CD96: variants seen among roughly 807,000 people sequenced by gnomAD.
CD96 encodes the protein T-cell surface protein tactile.
Under a neutral mutation model 71.3 loss-of-function variants are expected in CD96, and 70 were observed. The ratio of observed to expected loss-of-function variants is 0.98; its 90% CI spans 0.81 to 1.20. The LOEUF (loss-of-function observed/expected upper bound fraction) is 1.20, where lower values mean the gene tolerates loss of function less well. Among genes scored for constraint, CD96 ranks in the 50% most tolerant of loss-of-function variants. The pLI is 0.00. For missense variants in CD96, 742 were observed against 677.5 expected, an observed-to-expected ratio of 1.10 and a Z score of -1.06; for synonymous variants, 248 against 233.0, an observed-to-expected ratio of 1.06 and a Z score of -0.59.
chr3:111,545,279 T>C lies in CD96; in HGVS notation c.295T>C (p.Ser99Pro), dbSNP rs368316706. 1.4e-5 allele frequency: 22 copies of C among 1,613,970 alleles called. No individual in the cohort carries two copies. Among genetic ancestry groups the C allele is most frequent in the Non-Finnish European group, 1.8e-5 (21 of 1,179,872 alleles). The part of the protein sequence containing the change: ...VTFTETPENG[S>P]KWTLHLRNMS... ...TTTCACAGAAACTCCTGAGAATGGG[T>C]CAAAATGGACTCTGCACTTAAGGAA... Residue 99 changes from serine (S) to proline (P), a missense_variant, in exon 2 of 14, where the codon TCA becomes CCA. Ser to Pro is a moderately conservative substitution (Grantham distance 74, BLOSUM62 -1). Coordinates refer to ENST00000352690, the MANE Select transcript of CD96 (RefSeq NM_005816.5).
At chr3:111,637,658 A>G (rs1939394374) in intron 11 of CD96, among the ~76,000 whole-genome samples, 1 of 152,182 alleles carries the variant, frequency 6.6e-6, no homozygotes, top group Admixed American at 6.5e-5. Flanking sequence ...TGATCAGCTG[A>G]ACCTCTCATA....
chr3:111,561,330 C>G (rs998992446), intron 2 of CD96, among the ~76,000 whole-genome samples: 19 of 149,356 alleles, frequency 1.3e-4, no homozygotes, highest in African/African-American at 4.6e-4. Context: ...TTTTCCCCAT[C>G]TTTGTGGTTT....
At position 111,644,894 on chromosome 3, in the gene CD96, C is replaced by T. The variant is rs552400543; in HGVS notation, c.1478-2649C>T. ...TGGCATGGATGTGGTGAACAGAGAA[C>T]GCTTCTACCCTGCTAGTGGGAATGT... is the stretch of plus-strand genomic sequence containing the variant. On this transcript the variant is annotated intron_variant, in intron 12 of 13. Transcript: ENST00000352690. 9.2e-5 allele frequency among the ~76,000 whole-genome samples: 14 copies of T among 152,164 alleles called. No homozygotes were observed. In the South Asian group the frequency reaches 1.0e-3, roughly 11 times the overall value.
intron 7 of CD96, among the ~76,000 whole-genome samples, chr3:111,602,608 G>T (rs1937521766): frequency 6.6e-6 from 1 of 152,188 alleles, no homozygotes; most frequent in South Asian, 2.1e-4. Context: ...CTATAAAGCA[G>T]TGTCATCACT....
intron 10 of CD96, 125 bp downstream of exon 10, chr3:111,624,529 A>C (rs973833496): frequency 7.0e-6 from 5 of 715,142 alleles, no homozygotes; most frequent in Non-Finnish European, 2.5e-6. Flanking sequence ...AGCATCTATC[A>C]TGTTTAAAGT....
At chr3:111,616,202 T>C (rs1263935442) in intron 8 of CD96, among the ~76,000 whole-genome samples, 1 of 152,250 alleles carries the variant, frequency 6.6e-6, no homozygotes, top group Non-Finnish European at 1.5e-5. Flanking sequence ...TTTTATCTTA[T>C]TTGTCTACTG....
intron 10 of CD96, among the ~76,000 whole-genome samples, chr3:111,627,725 C>A (rs544602422): frequency 6.6e-6 from 1 of 152,258 alleles, no homozygotes; most frequent in South Asian, 2.1e-4. Context: ...ACTGGAATCT[C>A]CAACCACCTC....
At chr3:111,629,435 G>C (rs1938948246) in intron 10 of CD96, among the ~76,000 whole-genome samples, 2 of 152,104 alleles carry the variant, frequency 1.3e-5, no homozygotes, top group South Asian at 4.1e-4. Context: ...ATTACATAAT[G>C]GTAAATGGTT....
At chr3:111,594,126 C>A in intron 5 of CD96, 1 of 1,614,008 alleles carries the variant, frequency 6.2e-7, no homozygotes. Context: ...CTAATCTCTT[C>A]CTCCTCCTTC....
At chr3:111,549,102 A>T (rs909385369) in intron 2 of CD96, among the ~76,000 whole-genome samples, 9 of 152,086 alleles carry the variant, frequency 5.9e-5, no homozygotes, top group Admixed American at 3.9e-4. Context: ...GACTTTCTTT[A>T]CTTTGTCCTT....
chr3:111,607,198 A>T (rs1167221517), intron 8 of CD96: 1 of 229,240 alleles, frequency 4.4e-6, no homozygotes, highest in Non-Finnish European at 8.7e-6. Flanking sequence ...TTCTGTATTT[A>T]TTATTAAATA....
chr3:111,545,861 A>G (rs1225892507), intron 2 of CD96, among the ~76,000 whole-genome samples: 10 of 152,204 alleles, frequency 6.6e-5, no homozygotes, highest in Admixed American at 6.5e-4. Context: ...AAGGCAGGTA[A>G]GGACCAGATC....
intron 7 of CD96, among the ~76,000 whole-genome samples, chr3:111,602,700 C>G (rs1937524179): frequency 6.6e-6 from 1 of 152,100 alleles, no homozygotes; most frequent in Non-Finnish European, 1.5e-5. Context: ...CTGCCGGATG[C>G]TTTATGAACT....
chr3:111,583,506 A>G (rs1042438402), intron 4 of CD96, among the ~76,000 whole-genome samples: 1 of 152,220 alleles, frequency 6.6e-6, no homozygotes, highest in Non-Finnish European at 1.5e-5. Context: ...TCCCTTCTGC[A>G]CTGCCCAAGC....
intron 8 of CD96, 106 bp from the exon 9 acceptor site, chr3:111,623,648 A>G (rs896821443): frequency 4.0e-6 from 3 of 751,334 alleles, no homozygotes; most frequent in African/African-American, 1.7e-5. Context: ...GTTCACTAAG[A>G]TTCTTTCCAA....
At chr3:111,594,648 T>G (rs552827671) in intron 5 of CD96, 3 of 169,742 alleles carry the variant, frequency 1.8e-5, no homozygotes, top group Non-Finnish European at 4.3e-5. Context: ...TTTCTGTGCT[T>G]CTTATTTCCT....
intron 2 of CD96, among the ~76,000 whole-genome samples, chr3:111,547,568 A>C (rs1934475470): frequency 6.6e-6 from 1 of 152,236 alleles, no homozygotes; most frequent in Admixed American, 6.5e-5. Flanking sequence ...GCAATGGAGA[A>C]CAGATAGTAT....
rs1939897491 is a variant in CD96 at position 111,647,668 on chromosome 3, TG to T, written c.1601+3del. ...ATGGTGTCAGTACCAAAAAGAAATGTGAGTATAATACTAACATATGTAGGAA... is the reference window on the plus strand; with the variant it reads ...ATGGTGTCAGTACCAAAAAGAAATGTAGTATAATACTAACATATGTAGGAA... On this transcript the variant is annotated splice_donor_region_variant and intron_variant, in intron 13 of 13. Transcript: ENST00000352690. 2 of 1,599,136 alleles carry T rather than the reference TG, an allele frequency of 1.3e-6. No individual in the cohort carries two copies. The highest frequency in any genetic ancestry group is 1.3e-5 in the African/African-American group (1 of 74,742).
At position 111,632,912 on chromosome 3, in the gene CD96, A is replaced by G. The variant is rs141836853; in HGVS notation, c.1322-4284A>G. On this transcript the variant is annotated intron_variant, in intron 10 of 13. Transcript: ENST00000352690. The stretch of plus-strand genomic sequence containing the variant: ...CATGTTCTCGAATTTTCTCCATGTC[A>G]GCAGTGTTATCATTTATGTGTTCAC... 9.2e-5 allele frequency among the ~76,000 whole-genome samples: 14 copies of G among 152,288 alleles called. No homozygotes were observed. The East Asian group carries it at 1.7e-3, about 19-fold the overall frequency.
Sources: allele counts gnomAD v4.1 joint callset (sites outside exome capture counted in the v4.1 genomes callset), GRCh38; gene constraint gnomAD v4.1.1; transcripts MANE v1.5; gene names NCBI Gene and HGNC (gene_info 2026-07-23, HGNC 2026-07-21).